Variants in SNX8 observed in about 807,000 individuals in gnomAD.
The protein encoded by SNX8 is sorting nexin-8.
SNX8 carries 25 observed loss-of-function variants against 51.6 expected under a neutral mutation model. That is an observed-to-expected ratio of 0.48 (90% CI 0.35 to 0.68). The LOEUF (loss-of-function observed/expected upper bound fraction) is 0.68. Ranked by LOEUF, SNX8 falls within the 30% of genes least tolerant of loss-of-function variation. The pLI, the probability that SNX8 is intolerant of heterozygous loss-of-function variation, is 0.00. For synonymous variants in SNX8, 324 were observed against 277.0 expected (o/e 1.17, Z -1.68); for missense variants, 695 against 624.0 (o/e 1.11, Z -1.21).
intron 1 of SNX8, among the ~76,000 whole-genome samples, chr7:2,326,743 G>C (rs1778628555): frequency 6.6e-6 from 1 of 152,000 alleles, no homozygotes; most frequent in Non-Finnish European, 1.5e-5. Context: ...ATGCAAGCTT[G>C]GTTTAATATT....
chr7:2,295,899 T>C (rs1352720743), intron 1 of SNX8, among the ~76,000 whole-genome samples: 2 of 152,176 alleles, frequency 1.3e-5, no homozygotes, highest in South Asian at 2.1e-4. Context: ...CTTGTAAAAA[T>C]GTAGCTTTAT....
chr7:2,288,951 G>A (rs138890255), intron 1 of SNX8, among the ~76,000 whole-genome samples: 15 of 152,212 alleles, frequency 9.9e-5, no homozygotes, highest in African/African-American at 3.6e-4. Context: ...TGCTCAGGCT[G>A]GTCTCCAACT....
upstream of SNX8, among the ~76,000 whole-genome samples, chr7:2,317,800 T>TG (rs1796780447): frequency 6.6e-6 from 1 of 152,112 alleles, no homozygotes; most frequent in Non-Finnish European, 1.5e-5. Context: ...ACACCATTGA[T>TG]GCTCTCTCCA....
At chr7:2,286,048 G>C (rs1796020391) in intron 1 of SNX8, among the ~76,000 whole-genome samples, 1 of 134,886 alleles carries the variant, frequency 7.4e-6, no homozygotes, top group Non-Finnish European at 1.6e-5. Context: ...GTCTTGCTCT[G>C]TCTCCCAAGC....
chr7:2,262,920 C>G (rs1458621876), intron 7 of SNX8, among the ~76,000 whole-genome samples: 2 of 152,186 alleles, frequency 1.3e-5, no homozygotes, highest in Non-Finnish European at 2.9e-5. Context: ...GAGTTCAAGA[C>G]CAGCCTGACG....
intron 5 of SNX8, among the ~76,000 whole-genome samples, chr7:2,266,653 G>GC (rs1795471618): frequency 6.6e-6 from 1 of 151,908 alleles, no homozygotes; most frequent in Non-Finnish European, 1.5e-5. Context: ...CCGGTTTTTT[G>GC]GGGTTTGTTT....
At chr7:2,257,571 C>CT (rs747250755) in intron 8 of SNX8, 57 bp from the exon 9 acceptor site, 3 of 1,589,748 alleles carry the variant, frequency 1.9e-6, no homozygotes, top group African/African-American at 1.3e-5. Flanking sequence ...CAGGGCCCTG[C>CT]GGAGCCGGCC....
At position 2,254,834 on chromosome 7, in the gene SNX8, C is replaced by A. The variant is rs753537633; in HGVS notation, c.*222G>T. On this transcript the variant is annotated 3_prime_UTR_variant, in exon 11 of 11. Coordinates refer to ENST00000222990, the MANE Select transcript of SNX8 (RefSeq NM_013321.4). ...TTCCAGAGAACCCCACCACCTCTCTCGACCAGGCTAGCAGGCCACAGGGCG... is the reference window on the plus strand; with the variant it reads ...TTCCAGAGAACCCCACCACCTCTCTAGACCAGGCTAGCAGGCCACAGGGCG... The A allele has an allele frequency of 6.9e-6, 4 of 582,658 alleles. No individual in the cohort carries two copies. In the East Asian group the frequency reaches 1.2e-4, roughly 17 times the overall value. The allele number at this position is 582,658 out of a possible 1,614,324, so 36.1% of individuals were successfully genotyped here.
At chr7:2,332,743 A>AAGGAAGGAAGGAAGGAAGG (rs1778758755) in intron 1 of SNX8, among the ~76,000 whole-genome samples, 1 of 140,282 alleles carries the variant, frequency 7.1e-6, no homozygotes, top group African/African-American at 2.7e-5. Context: ...GAGAGAGAGA[A>AAGGAAGGAAGGAAGGAAGG]AAGGAAGGAA....
At chr7:2,341,418 GA>G (rs1332958822) in intron 1 of SNX8, among the ~76,000 whole-genome samples, 2 of 151,880 alleles carry the variant, frequency 1.3e-5, no homozygotes, top group African/African-American at 2.4e-5. Flanking sequence ...AGAATCGCTA[GA>G]ACCCAGGAGG....
chr7:2,268,151 CCGGGAGGGAGG>C (rs1795528099), intron 5 of SNX8, among the ~76,000 whole-genome samples: 1 of 140,118 alleles, frequency 7.1e-6, no homozygotes, highest in Admixed American at 7.2e-5. Flanking sequence ...GCCGCCCCAT[CCGGGAGGGAGG>C]TGGGGGGCGT....
At chr7:2,352,292 T>C (rs897741576) in intron 1 of SNX8, among the ~76,000 whole-genome samples, 3 of 152,104 alleles carry the variant, frequency 2.0e-5, no homozygotes, top group African/African-American at 7.2e-5. Context: ...CTTGATTACA[T>C]CTGGGAAGAC....
chr7:2,262,390 G>A (rs995319196), intron 7 of SNX8, among the ~76,000 whole-genome samples: 1 of 152,148 alleles, frequency 6.6e-6, no homozygotes, highest in Non-Finnish European at 1.5e-5. Context: ...TTTCCAGTGT[G>A]ATAGTAAACA....
At chr7:2,350,592 C>T (rs1045586160) in intron 1 of SNX8, among the ~76,000 whole-genome samples, 25 of 152,096 alleles carry the variant, frequency 1.6e-4, no homozygotes, top group African/African-American at 6.0e-4. Flanking sequence ...TTGCTCTAAG[C>T]CAGGAGTTCA....
chr7:2,292,796 G>A (rs1308197540), intron 1 of SNX8, among the ~76,000 whole-genome samples: 1 of 152,060 alleles, frequency 6.6e-6, no homozygotes, highest in Admixed American at 6.6e-5. Context: ...GAGGTGAGAG[G>A]GTTTCCTCGA....
chr7:2,318,379 C>T (rs1796786198), upstream of SNX8, among the ~76,000 whole-genome samples: 1 of 151,836 alleles, frequency 6.6e-6, no homozygotes, highest in South Asian at 2.1e-4. Context: ...GAGGAAACCA[C>T]TACAGTCTCT....
At chr7:2,353,652 C>T (rs1032301980) in intron 1 of SNX8, among the ~76,000 whole-genome samples, 4 of 152,078 alleles carry the variant, frequency 2.6e-5, no homozygotes, top group Non-Finnish European at 5.9e-5. Context: ...TGTACCATCA[C>T]CACCGTCATC....
chr7:2,276,520 A>C (rs1330713738), intron 2 of SNX8, among the ~76,000 whole-genome samples: 1 of 152,096 alleles, frequency 6.6e-6, no homozygotes, highest in Non-Finnish European at 1.5e-5. Flanking sequence ...CTTGTCCTTA[A>C]GGCCAGGTGC....
intron 1 of SNX8, among the ~76,000 whole-genome samples, chr7:2,341,897 C>T (rs1205474931): frequency 6.6e-6 from 1 of 151,950 alleles, no homozygotes; most frequent in African/African-American, 2.4e-5. Flanking sequence ...CACTTGAACC[C>T]AGGAGTTGGA....
Sources: gnomAD v4.1 joint callset for allele counts (sites outside exome capture counted in the v4.1 genomes callset) on GRCh38, gnomAD v4.1.1 for gene constraint, MANE v1.5 for transcripts, NCBI Gene and HGNC (gene_info 2026-07-23, HGNC 2026-07-21) for gene names.